Variants in GLYATL1 observed in about 807,000 individuals in gnomAD.
GLYATL1 encodes glycine N-acyltransferase-like protein 1.
GLYATL1 carries 15 observed loss-of-function variants against 20.0 expected under a neutral mutation model. The observed-to-expected ratio is 0.75, with a 90% CI of 0.50 to 1.15. The LOEUF is 1.15. GLYATL1 is among the 50% of genes most tolerant of loss of function. GLYATL1 has a pLI of 0.00. For synonymous variants in GLYATL1, 151 were observed against 131.5 expected (o/e 1.15, Z -1.01); for missense variants, 380 against 368.5 (o/e 1.03, Z -0.26).
upstream of GLYATL1, among the ~76,000 whole-genome samples, chr11:58,924,540 G>T (rs1268471708): frequency 6.6e-6 from 1 of 152,080 alleles, no homozygotes; most frequent in African/African-American, 2.4e-5. Context: ...AATATTTCTG[G>T]CACCATTCTG....
chr11:58,943,576 C>G lies in GLYATL1; in HGVS notation c.-133C>G. 1 of 1,613,576 alleles carries G rather than the reference C, an allele frequency of 6.2e-7. No homozygotes were observed. The highest frequency in any genetic ancestry group is 1.3e-5 in the African/African-American group (1 of 75,020). On this transcript the variant is annotated 5_prime_UTR_variant, in exon 2 of 7. Transcript: ENST00000532726. ...ACAAGAAGGATCTGAAGTGGAGCTT[C>G]TAGTATCCCCAGGAGCGCGAAGTGA...
upstream of GLYATL1, among the ~76,000 whole-genome samples, chr11:58,924,066 G>A (rs556773673): frequency 2.0e-4 from 30 of 152,148 alleles, no homozygotes; most frequent in Non-Finnish European, 3.8e-4. Context: ...CTGATACTCT[G>A]TTTTGCCAGT....
At chr11:58,947,320 C>G in intron 3 of GLYATL1, 155 bp downstream of exon 3, 1 of 1,079,654 alleles carries the variant, frequency 9.3e-7, no homozygotes, top group East Asian at 2.6e-5. Flanking sequence ...TCAAGAGCTG[C>G]TGCTTCTCTT....
At chr11:58,905,742 GAGGGTGGGCGGGT>G in intron 1 of GLYATL1, 1 of 369,432 alleles carries the variant, frequency 2.7e-6, no homozygotes, top group Non-Finnish European at 5.4e-6. Context: ...GACAAATAGG[GAGGGTGGGCGGGT>G]GGGCGCGCAG....
intron 5 of GLYATL1, 105 bp downstream of exon 5, chr11:58,955,001 G>A: frequency 7.5e-7 from 1 of 1,335,148 alleles, no homozygotes. Context: ...TAAATTCACA[G>A]AAACTCTGGG....
chr11:58,947,811 TC>T (rs1282303496), intron 3 of GLYATL1, 46 bp from the exon 4 acceptor site: 1 of 1,249,930 alleles, frequency 8.0e-7, no homozygotes, highest in Non-Finnish European at 1.2e-6. Context: ...CAGATCCTCA[TC>T]TCTGGGGATC....
At chr11:58,907,284 T>C (rs1298430170) in exon 2 of GLYATL1, 3 of 456,188 alleles carry the variant, frequency 6.6e-6, no homozygotes, top group African/African-American at 6.0e-5. Flanking sequence ...GTCACCTTGG[T>C]CTCTCAGCTT....
chr11:58,936,989 T>C (rs1041331022), upstream of GLYATL1, among the ~76,000 whole-genome samples: 1 of 152,198 alleles, frequency 6.6e-6, no homozygotes, highest in African/African-American at 2.4e-5. Context: ...TCATGTCAAG[T>C]TTTTCTACAG....
intron 4 of GLYATL1, among the ~76,000 whole-genome samples, chr11:58,950,752 C>T (rs529484352): frequency 6.6e-6 from 1 of 152,238 alleles, no homozygotes; most frequent in South Asian, 2.1e-4. Flanking sequence ...TAATTTATCC[C>T]AAACTGGTGG....
At chr11:58,938,648 T>A (rs1375830701), upstream of GLYATL1, among the ~76,000 whole-genome samples, 1 of 151,938 alleles carries the variant, frequency 6.6e-6, no homozygotes. Context: ...ATCCACAGAG[T>A]AGATACATCA....
At chr11:58,933,854 G>C (rs1270594460) in intron 1 of GLYATL1, 2 of 152,462 alleles carry the variant, frequency 1.3e-5, no homozygotes, top group African/African-American at 4.8e-5. Flanking sequence ...AGGCTGGCCT[G>C]GTGCCTGTGT....
upstream of GLYATL1, among the ~76,000 whole-genome samples, chr11:58,924,811 G>T (rs1855390355): frequency 6.6e-6 from 1 of 152,204 alleles, no homozygotes; most frequent in South Asian, 2.1e-4. Flanking sequence ...CTGAGGGTAT[G>T]TTAACTCCTT....
At chr11:58,943,827 G>A (rs1170362772) in intron 2 of GLYATL1, among the ~76,000 whole-genome samples, 161 bp downstream of exon 2, 1 of 152,204 alleles carries the variant, frequency 6.6e-6, no homozygotes, top group African/African-American at 2.4e-5. Flanking sequence ...CCTGGATCCA[G>A]TTAGAGGCCT....
intron 3 of GLYATL1, chr11:58,947,397 T>C: frequency 3.5e-6 from 2 of 571,696 alleles, no homozygotes; most frequent in Non-Finnish European, 6.1e-6. Context: ...TGGAGCATGG[T>C]GGCTACGAAC....
intron 1 of GLYATL1, chr11:58,928,819 C>G (rs1434677237): frequency 6.6e-6 from 1 of 152,168 alleles, no homozygotes; most frequent in Non-Finnish European, 1.5e-5. Context: ...GATTAAAACT[C>G]AGGTACCCTG....
chr11:58,907,474 TTTTTGTTTGTTTTG>T (rs1413271634), exon 2 of GLYATL1: 1 of 292,920 alleles, frequency 3.4e-6, no homozygotes, highest in Non-Finnish European at 6.9e-6. Context: ...ATTTCGCTCT[TTTTTGTTTGTTTTG>T]TTTTGTTTTG....
At chr11:58,926,136 A>G (rs567032672), upstream of GLYATL1, among the ~76,000 whole-genome samples, 1 of 152,296 alleles carries the variant, frequency 6.6e-6, no homozygotes, top group South Asian at 2.1e-4. Flanking sequence ...TTAGGTTCCA[A>G]TCCTCTAGGG....
chr11:58,954,089 G>C (rs12361588), intron 4 of GLYATL1, among the ~76,000 whole-genome samples: 41,643 of 152,098 alleles, frequency 0.27, 7,268 homozygotes, highest in Non-Finnish European at 0.39. Context: ...CTGTAGGCTT[G>C]AGAAAAGGCA....
chr11:58,907,555 G>A (rs11229688), exon 2 of GLYATL1: 54,863 of 357,572 alleles, frequency 0.15, 4,728 homozygotes, highest in East Asian at 0.32. Flanking sequence ...AGAAATTCAA[G>A]GTAATGACTT....
Sources: allele counts gnomAD v4.1 joint callset (sites outside exome capture counted in the v4.1 genomes callset), GRCh38; gene constraint gnomAD v4.1.1; transcripts MANE v1.5; gene names NCBI Gene and HGNC (gene_info 2026-07-23, HGNC 2026-07-21).